ZNG1A: variants seen among roughly 807,000 people sequenced by gnomAD.
ZNG1A encodes zinc-regulated GTPase metalloprotein activator 1A.
chr9:139,301 G>A, the ZNG1A span, among the ~76,000 whole-genome samples: 1 of 150,690 alleles, frequency 6.6e-6, no homozygotes, highest in Non-Finnish European at 1.5e-5. Context: ...ACTTGCGTCA[G>A]GTAATTAAAA....
chr9:164,210 T>C, the ZNG1A span, among the ~76,000 whole-genome samples: 4 of 141,922 alleles, frequency 2.8e-5, no homozygotes, highest in Non-Finnish European at 4.6e-5. Flanking sequence ...ATTATAGTGA[T>C]AGAACCTTTT....
At chr9:160,290 G>A in the ZNG1A span, 2 of 408,120 alleles carry the variant, frequency 4.9e-6, no homozygotes, top group South Asian at 3.6e-5. Flanking sequence ...CTGGCTCTGT[G>A]AAGCATGACA....
At chr9:157,544 T>C in the ZNG1A span, among the ~76,000 whole-genome samples, 1 of 141,674 alleles carries the variant, frequency 7.1e-6, no homozygotes, top group South Asian at 2.4e-4. Context: ...CTCATTTAGC[T>C]TTCATAATAA....
chr9:168,271 T>A, the ZNG1A span, among the ~76,000 whole-genome samples: 1 of 148,718 alleles, frequency 6.7e-6, no homozygotes, highest in Non-Finnish European at 1.5e-5. Context: ...TTATTTATTT[T>A]GAGATGGAGT....
the ZNG1A span, chr9:167,179 A>C: frequency 6.6e-6 from 1 of 151,888 alleles, no homozygotes; most frequent in East Asian, 1.9e-4. Context: ...CAAAATAATA[A>C]AACAGGGACC....
chr9:142,309 A>G, the ZNG1A span, among the ~76,000 whole-genome samples: 1 of 107,880 alleles, frequency 9.3e-6, no homozygotes. Flanking sequence ...TCTCCTCAGC[A>G]AATGTAAAAG....
chr9:127,807 C>T, the ZNG1A span, among the ~76,000 whole-genome samples: 7 of 152,200 alleles, frequency 4.6e-5, no homozygotes, highest in African/African-American at 1.7e-4. Flanking sequence ...GATATTTATG[C>T]TTTAAAGAGG....
the ZNG1A span, among the ~76,000 whole-genome samples, chr9:174,905 A>G: frequency 1.3e-5 from 2 of 150,346 alleles, no homozygotes; most frequent in Non-Finnish European, 3.0e-5. Context: ...ATTTTCACAG[A>G]TAACTTAAAA....
chr9:177,140 T>C, the ZNG1A span, among the ~76,000 whole-genome samples: 2 of 152,202 alleles, frequency 1.3e-5, no homozygotes, highest in Admixed American at 6.5e-5. Context: ...ACTTGGCACC[T>C]TTGAAGTAAC....
At chr9:145,744 TAA>T in the ZNG1A span, among the ~76,000 whole-genome samples, 1 of 150,090 alleles carries the variant, frequency 6.7e-6, no homozygotes, top group Non-Finnish European at 1.5e-5. Context: ...AAATAAAAAA[TAA>T]AAAAATAAAG....
the ZNG1A span, among the ~76,000 whole-genome samples, chr9:173,652 T>C: frequency 1.2e-4 from 18 of 152,266 alleles, no homozygotes; most frequent in African/African-American, 4.1e-4. Context: ...CTTAATAAAG[T>C]AGCTATCTTG....
the ZNG1A span, chr9:163,879 T>C: frequency 1.9e-6 from 2 of 1,025,754 alleles, 1 homozygote; most frequent in Non-Finnish European, 2.9e-6. Context: ...ATCATGCCAC[T>C]GCACTCCATG....
chr9:157,624 C>T, the ZNG1A span, among the ~76,000 whole-genome samples: 2 of 149,404 alleles, frequency 1.3e-5, no homozygotes, highest in Admixed American at 1.3e-4. Context: ...TCACAGGATA[C>T]TATATTTTAT....
the ZNG1A span, chr9:135,148 G>C: frequency 1.3e-6 from 2 of 1,494,370 alleles, no homozygotes; most frequent in East Asian, 4.6e-5. Flanking sequence ...CTAATATTCT[G>C]TAATTGCAAT....
chr9:154,973 C>T, the ZNG1A span, among the ~76,000 whole-genome samples: 2 of 152,120 alleles, frequency 1.3e-5, no homozygotes, highest in Non-Finnish European at 2.9e-5. Context: ...TACTCCTAAT[C>T]CGCTAATTTT....
the ZNG1A span, among the ~76,000 whole-genome samples, chr9:175,380 AAAAAT>A: frequency 1.3e-5 from 2 of 149,572 alleles, no homozygotes; most frequent in African/African-American, 2.5e-5. Flanking sequence ...CCATCTCAAA[AAAAAT>A]AAAATAAAAT....
chr9:158,390 T>G, the ZNG1A span, among the ~76,000 whole-genome samples: 1 of 151,696 alleles, frequency 6.6e-6, no homozygotes, highest in Non-Finnish European at 1.5e-5. Context: ...GATCCTATAG[T>G]ACTGAAAATT....
At chr9:170,624 G>T in the ZNG1A span, among the ~76,000 whole-genome samples, 99,920 of 142,918 alleles carry the variant, frequency 0.7, 35,868 homozygotes, top group South Asian at 0.77. Flanking sequence ...GGCCTCAAGG[G>T]ATCCACCTGC....
At chr9:160,207 A>G in the ZNG1A span, 1 of 454,408 alleles carries the variant, frequency 2.2e-6, no homozygotes, top group African/African-American at 2.0e-5. Flanking sequence ...ACCCCATGAT[A>G]TCAATTACCA....
Sources: gnomAD v4.1 joint callset for allele counts (sites outside exome capture counted in the v4.1 genomes callset) on GRCh38, gnomAD v4.1.1 for gene constraint, MANE v1.5 for transcripts, NCBI Gene and HGNC (gene_info 2026-07-23, HGNC 2026-07-21) for gene names.